KCNQ5: variants seen among roughly 807,000 people sequenced by gnomAD.
The protein encoded by KCNQ5 is potassium voltage-gated channel subfamily KQT member 5.
In KCNQ5, 30 loss-of-function variants were observed where a neutral mutation model predicts 98.2. That is an observed-to-expected ratio of 0.31 (90% CI 0.23 to 0.41). KCNQ5 has a LOEUF of 0.41. KCNQ5 is among the 10% of genes least tolerant of loss of function. The pLI is 1.00. For missense variants in KCNQ5, 835 were observed against 1,182.5 expected, an observed-to-expected ratio of 0.71 and a Z score of 4.31; for synonymous variants, 458 against 449.4, an observed-to-expected ratio of 1.02 and a Z score of -0.24.
At chr6:72,692,695 C>T (rs1442289171) in intron 1 of KCNQ5, among the ~76,000 whole-genome samples, 1 of 152,192 alleles carries the variant, frequency 6.6e-6, no homozygotes, top group Non-Finnish European at 1.5e-5. Flanking sequence ...GTCTAGACTC[C>T]AAGTGAGTCC....
intron 1 of KCNQ5, chr6:72,806,873 C>T (rs1220723263): frequency 2.3e-6 from 1 of 442,664 alleles, no homozygotes; most frequent in Admixed American, 2.5e-5. Context: ...GTTTTTCTCC[C>T]ATATGAGAAT....
chr6:72,984,157 A>G (rs1365213262), intron 1 of KCNQ5, among the ~76,000 whole-genome samples: 2 of 152,188 alleles, frequency 1.3e-5, no homozygotes, highest in Admixed American at 6.5e-5. Flanking sequence ...GTTAGGCTAC[A>G]TGGGGGTCAG....
intron 1 of KCNQ5, among the ~76,000 whole-genome samples, chr6:72,997,509 C>T (rs1769360161): frequency 6.6e-6 from 1 of 151,966 alleles, no homozygotes; most frequent in African/African-American, 2.4e-5. Context: ...GGCACAGTAG[C>T]TCATGCCTGT....
At chr6:73,035,606 T>C (rs1401598759) in intron 2 of KCNQ5, among the ~76,000 whole-genome samples, 1 of 152,172 alleles carries the variant, frequency 6.6e-6, no homozygotes, top group Non-Finnish European at 1.5e-5. Context: ...CGACTGAATG[T>C]AACAGATTTT....
rs534581230 is a variant in KCNQ5 at position 72,819,226 on chromosome 6, G to A, written c.399-184682G>A. ...GGTGTATGTGAGATGTTTTGATACA[G>A]GAATGCAATGTGAGATAAGCACATC... On this transcript the variant is annotated intron_variant, in intron 1 of 13. Coordinates refer to ENST00000370398, the MANE Select transcript of KCNQ5 (RefSeq NM_019842.4). Among the ~76,000 whole-genome samples the A allele has an allele frequency of 2.1e-4, 32 of 152,172 alleles. 1 individual carries two copies. Among genetic ancestry groups the A allele is most frequent in the African/African-American group, 7.5e-4 (31 of 41,534 alleles).
chr6:73,191,119 T>G (rs1234554407), intron 12 of KCNQ5, among the ~76,000 whole-genome samples: 1 of 152,216 alleles, frequency 6.6e-6, no homozygotes, highest in African/African-American at 2.4e-5. Flanking sequence ...TAATCATCCT[T>G]TGGGAATAAC....
chr6:72,954,142 A>G (rs894571607), intron 1 of KCNQ5, among the ~76,000 whole-genome samples: 2 of 152,218 alleles, frequency 1.3e-5, no homozygotes, highest in Admixed American at 6.5e-5. Flanking sequence ...TTCTTTATAC[A>G]GCTTTCTTAT....
chr6:73,072,909 T>A (rs976184147), intron 3 of KCNQ5, among the ~76,000 whole-genome samples: 1 of 152,148 alleles, frequency 6.6e-6, no homozygotes, highest in Non-Finnish European at 1.5e-5. Context: ...TTTTTTTTAT[T>A]CATGTGACTT....
intron 5 of KCNQ5, among the ~76,000 whole-genome samples, chr6:73,090,993 A>T (rs926560203): frequency 1.3e-5 from 2 of 152,208 alleles, no homozygotes; most frequent in East Asian, 3.8e-4. Flanking sequence ...AAGTATTATA[A>T]ATCATTCTAC....
In KCNQ5 at chr6:73,121,083, T is replaced by C. The variant is rs191407491; in HGVS notation, c.1220+506T>C. 9.0e-4 allele frequency among the ~76,000 whole-genome samples: 137 copies of C among 152,090 alleles called. 1 individual carries two copies. The South Asian group carries it at 0.014, about 15-fold the overall frequency. On this transcript the variant is annotated intron_variant, in intron 8 of 13. Transcript: ENST00000370398. ...CATCAGTGGCAAAAAAAGAGAAAAA[T>C]AGGAGTCCTAATAGGATTATAGTTT...
chr6:72,683,673 T>C (rs2154473916), intron 1 of KCNQ5, among the ~76,000 whole-genome samples: 1 of 152,040 alleles, frequency 6.6e-6, no homozygotes, highest in South Asian at 2.1e-4. Context: ...GGCCCACATA[T>C]ACTTTTTCTC....
intron 1 of KCNQ5, among the ~76,000 whole-genome samples, chr6:72,972,859 A>G (rs971689589): frequency 2.0e-5 from 3 of 152,196 alleles, no homozygotes; most frequent in Non-Finnish European, 2.9e-5. Context: ...TTCATCACCT[A>G]CATAATCAAA....
chr6:73,169,920 C>A, intron 11 of KCNQ5, 66 bp downstream of exon 11: 1 of 1,072,506 alleles, frequency 9.3e-7, no homozygotes, highest in Non-Finnish European at 1.4e-6. Flanking sequence ...TACTATGTTG[C>A]TAAGTTCTTT....
At chr6:72,865,763 C>A (rs1176793473) in intron 1 of KCNQ5, among the ~76,000 whole-genome samples, 1 of 152,192 alleles carries the variant, frequency 6.6e-6, no homozygotes, top group Non-Finnish European at 1.5e-5. Flanking sequence ...ATGTGTACCC[C>A]TCATCCAGGA....
intron 1 of KCNQ5, among the ~76,000 whole-genome samples, chr6:73,002,150 A>G (rs1032479481): frequency 1.3e-5 from 2 of 152,190 alleles, no homozygotes; most frequent in Non-Finnish European, 2.9e-5. Flanking sequence ...AAAATGAAAA[A>G]TAAAAAAGCA....
intron 1 of KCNQ5, among the ~76,000 whole-genome samples, chr6:72,756,915 C>T (rs1772001396): frequency 6.6e-6 from 1 of 152,014 alleles, no homozygotes; most frequent in East Asian, 1.9e-4. Flanking sequence ...ATCTGTACTA[C>T]ATACAAACGA....
chr6:72,975,490 T>C (rs915685556), intron 1 of KCNQ5, among the ~76,000 whole-genome samples: 1 of 152,200 alleles, frequency 6.6e-6, no homozygotes, highest in Non-Finnish European at 1.5e-5. Context: ...CTTTTAGCTC[T>C]GGTCACCAAG....
At chr6:72,912,716 A>T (rs1330378714) in intron 1 of KCNQ5, among the ~76,000 whole-genome samples, 1 of 152,210 alleles carries the variant, frequency 6.6e-6, no homozygotes, top group East Asian at 1.9e-4. Context: ...AAAGGAATGA[A>T]TCTTCATGAC....
At chr6:73,111,430 G>T in intron 7 of KCNQ5, 27 bp downstream of exon 7, 1 of 1,479,658 alleles carries the variant, frequency 6.8e-7, no homozygotes, top group South Asian at 1.2e-5. Context: ...TAGGTAGATG[G>T]CAACATTTGT....
Sources: gnomAD v4.1 joint callset for allele counts (sites outside exome capture counted in the v4.1 genomes callset) on GRCh38, gnomAD v4.1.1 for gene constraint, MANE v1.5 for transcripts, NCBI Gene and HGNC (gene_info 2026-07-23, HGNC 2026-07-21) for gene names.